The following ZCWPW2 variants were observed in gnomAD, a reference collection of about 807,000 sequenced individuals.
The protein encoded by ZCWPW2 is zinc finger CW-type and PWWP domain containing 2.
A neutral mutation model predicts 46.6 loss-of-function variants in ZCWPW2; 45 were observed. That is an observed-to-expected ratio of 0.96 (90% CI 0.76 to 1.24). ZCWPW2 has a LOEUF of 1.24. Ranked by LOEUF, ZCWPW2 falls within the 50% of genes most tolerant of loss-of-function variation. ZCWPW2 has a pLI of 0.00. For synonymous variants in ZCWPW2, 152 were observed against 137.1 expected, an observed-to-expected ratio of 1.11 and a Z score of -0.76; for missense variants, 429 against 403.9, an observed-to-expected ratio of 1.06 and a Z score of -0.53.
At chr3:28,479,673 C>T (rs1176156286) in intron 5 of ZCWPW2, among the ~76,000 whole-genome samples, 1 of 152,168 alleles carries the variant, frequency 6.6e-6, no homozygotes, top group Non-Finnish European at 1.5e-5. Context: ...TTTTCCTCCT[C>T]CCACCTTCCA....
intron 1 of ZCWPW2, among the ~76,000 whole-genome samples, chr3:28,368,432 G>A (rs1705201898): frequency 6.6e-6 from 1 of 152,086 alleles, no homozygotes; most frequent in African/African-American, 2.4e-5. Flanking sequence ...TAGTTTGGCT[G>A]GATATGAAAT....
At chr3:28,468,576 G>T (rs1698916362) in intron 4 of ZCWPW2, among the ~76,000 whole-genome samples, 1 of 152,032 alleles carries the variant, frequency 6.6e-6, no homozygotes, top group Admixed American at 6.6e-5. Flanking sequence ...CAAGAAAAAA[G>T]AAACAAATAA....
intron 4 of ZCWPW2, among the ~76,000 whole-genome samples, chr3:28,442,300 G>A (rs576105543): frequency 9.9e-5 from 15 of 152,246 alleles, no homozygotes; most frequent in South Asian, 4.1e-4. Context: ...GCCCCACACC[G>A]CTGGACTCCT....
At chr3:28,389,242 A>G (rs564055308) in intron 1 of ZCWPW2, among the ~76,000 whole-genome samples, 4 of 152,310 alleles carry the variant, frequency 2.6e-5, no homozygotes, top group African/African-American at 7.2e-5. Flanking sequence ...GATACAAGAT[A>G]TAAGGGTCCC....
chr3:28,385,878 A>G (rs756140961), intron 1 of ZCWPW2, among the ~76,000 whole-genome samples: 4 of 151,742 alleles, frequency 2.6e-5, no homozygotes, highest in Non-Finnish European at 5.9e-5. Flanking sequence ...AAGTGAGATT[A>G]ACGTAACCTT....
At chr3:28,385,931 CTT>C (rs1292186546) in intron 1 of ZCWPW2, among the ~76,000 whole-genome samples, 4 of 141,186 alleles carry the variant, frequency 2.8e-5, no homozygotes, top group Non-Finnish European at 4.7e-5. Context: ...GGCTTTTAAG[CTT>C]TTTTTTTTTT....
chr3:28,447,933 A>G lies in ZCWPW2; in HGVS notation c.492+12664A>G, dbSNP rs537977003. ...AAGTTCTTATGAGATTGTCCAAAAC[A>G]AAAAAACATGTCAGCAGGCCCTATG... On this transcript the variant is annotated intron_variant, in intron 4 of 9. Transcript: ENST00000383768. 4 of 761,680 alleles carry G rather than the reference A, an allele frequency of 5.3e-6. No individual in the cohort carries two copies. In the Admixed American group the frequency reaches 7.3e-5, roughly 14 times the overall value. The allele number at this position is 761,680 out of a possible 1,614,324, so 47.2% of individuals were successfully genotyped here. A position where few individuals can be genotyped will look rare whatever the true frequency, so the allele number is the denominator to read the frequency against.
At chr3:28,387,310 T>C (rs9831199) in intron 1 of ZCWPW2, among the ~76,000 whole-genome samples, 7,852 of 152,166 alleles carry the variant, frequency 0.052, 660 homozygotes, top group African/African-American at 0.17. Flanking sequence ...CATGGAAGGA[T>C]TCCCCATCAT....
chr3:28,378,389 A>G (rs1410015395), intron 1 of ZCWPW2, among the ~76,000 whole-genome samples: 2 of 152,048 alleles, frequency 1.3e-5, no homozygotes, highest in Non-Finnish European at 2.9e-5. Flanking sequence ...TTTCTTATCT[A>G]ACTAGAAATA....
chr3:28,503,107 G>A (rs1039014717), intron 6 of ZCWPW2, among the ~76,000 whole-genome samples: 9 of 152,014 alleles, frequency 5.9e-5, no homozygotes, highest in African/African-American at 2.2e-4. Flanking sequence ...TTAAAATCTG[G>A]TGCTGCAGAT....
rs1178840355 is a variant in ZCWPW2 at position 28,477,230 on chromosome 3, G to GTCTGCC, written c.493-1584_493-1583insTCTGCC. Among the ~76,000 whole-genome samples, 193 of 152,292 alleles carry GTCTGCC rather than the reference G, an allele frequency of 1.3e-3. 1 individual carries two copies. Among genetic ancestry groups the GTCTGCC allele is most frequent in the Non-Finnish European group, 2.2e-3 (149 of 68,032 alleles). On this transcript the variant is annotated intron_variant, in intron 4 of 9. Transcript: ENST00000383768. ...TAATTTAAAATTTCCAATATTTAGT[G>GTCTGCC]AATTGTATCTGCCTCTTTTCATCTG...
At chr3:28,501,145 A>G (rs1700131827) in intron 6 of ZCWPW2, among the ~76,000 whole-genome samples, 1 of 152,140 alleles carries the variant, frequency 6.6e-6, no homozygotes, top group Admixed American at 6.6e-5. Flanking sequence ...GCAGCATCTT[A>G]TCTATGAAAT....
At chr3:28,351,948 A>G (rs1704567965) in intron 1 of ZCWPW2, among the ~76,000 whole-genome samples, 2 of 152,110 alleles carry the variant, frequency 1.3e-5, no homozygotes, top group South Asian at 2.1e-4. Flanking sequence ...TCAGGTTACT[A>G]TCTTTAGGGT....
At chr3:28,457,967 AT>A (rs376204009) in intron 4 of ZCWPW2, among the ~76,000 whole-genome samples, 12 of 152,096 alleles carry the variant, frequency 7.9e-5, no homozygotes, top group Admixed American at 7.2e-4. Context: ...TTGTCCTAAA[AT>A]TTTTTTCCTA....
intron 3 of ZCWPW2, 60 bp from the exon 4 acceptor site, chr3:28,435,050 C>A: frequency 1.9e-6 from 3 of 1,561,688 alleles, no homozygotes; most frequent in Non-Finnish European, 2.6e-6. Context: ...GATTGATAGA[C>A]GTGTTGATGT....
At chr3:28,393,496 T>C (rs1438442660) in intron 2 of ZCWPW2, among the ~76,000 whole-genome samples, 3 of 151,876 alleles carry the variant, frequency 2.0e-5, no homozygotes, top group Non-Finnish European at 4.4e-5. Context: ...GAAAAGAAAA[T>C]TACAGGTCAA....
At chr3:28,394,767 A>T (rs1013623679) in intron 2 of ZCWPW2, among the ~76,000 whole-genome samples, 8 of 152,154 alleles carry the variant, frequency 5.3e-5, no homozygotes, top group African/African-American at 1.9e-4. Context: ...CTCAAAATAT[A>T]TTAAAAAATG....
At chr3:28,393,193 G>A (rs1695564376) in intron 2 of ZCWPW2, among the ~76,000 whole-genome samples, 2 of 152,020 alleles carry the variant, frequency 1.3e-5, no homozygotes, top group African/African-American at 4.8e-5. Flanking sequence ...AATTGGATAA[G>A]CTGGAAGAAG....
chr3:28,412,017 A>G (rs921129136), intron 2 of ZCWPW2, among the ~76,000 whole-genome samples: 3 of 152,034 alleles, frequency 2.0e-5, no homozygotes. Context: ...TTTCTAAAGC[A>G]ATTTGCAGTG....
Sources: gnomAD v4.1 joint callset for allele counts (sites outside exome capture counted in the v4.1 genomes callset) on GRCh38, gnomAD v4.1.1 for gene constraint, MANE v1.5 for transcripts, NCBI Gene and HGNC (gene_info 2026-07-23, HGNC 2026-07-21) for gene names.